MYO5C: variants seen among roughly 807,000 people sequenced by gnomAD.
MYO5C encodes myosin VC, also known as unconventional myosin-Vc.
In MYO5C, 194 loss-of-function variants were observed where a neutral mutation model predicts 235.7. The ratio of observed to expected loss-of-function variants is 0.82; its 90% CI spans 0.73 to 0.93. The LOEUF is 0.93. MYO5C is among the 40% of genes least tolerant of loss of function. The probability of loss-of-function intolerance (pLI) is 0.00; values close to 1 mark genes in which losing one functional copy is unlikely to be tolerated. For missense variants in MYO5C, 2,038 were observed against 2,127.2 expected (o/e 0.96, Z 0.82); for synonymous variants, 707 against 754.8 (o/e 0.94, Z 1.04).
intron 38 of MYO5C, 138 bp from the exon 39 acceptor site, chr15:52,196,621 GTTGGAC>G (rs935305713): frequency 1.8e-4 from 133 of 747,526 alleles, no homozygotes; most frequent in Admixed American, 4.3e-4. Context: ...AAATGAGGGA[GTTGGAC>G]TGATGATCAG....
At chr15:52,242,372 G>A (rs956235004) in intron 19 of MYO5C, 159 bp from the exon 20 acceptor site, 2 of 743,914 alleles carry the variant, frequency 2.7e-6, no homozygotes, top group Non-Finnish European at 4.3e-6. Flanking sequence ...ATGCCTACTT[G>A]AGGCCAGTCC....
chr15:52,261,573 G>A (rs1371169445), intron 9 of MYO5C, among the ~76,000 whole-genome samples: 5 of 152,354 alleles, frequency 3.3e-5, no homozygotes, highest in African/African-American at 1.2e-4. Flanking sequence ...TGCCTGGATG[G>A]TTGGTCCAGG....
At chr15:52,294,638 T>C (rs867167948) in intron 1 of MYO5C, among the ~76,000 whole-genome samples, 3 of 152,318 alleles carry the variant, frequency 2.0e-5, no homozygotes, top group Middle Eastern at 3.4e-3. Context: ...CTGAGGTCTC[T>C]AGATTTCCCC....
chr15:52,241,679 T>C (rs144341412), intron 20 of MYO5C, among the ~76,000 whole-genome samples: 7 of 152,158 alleles, frequency 4.6e-5, no homozygotes, highest in Non-Finnish European at 1.0e-4. Context: ...TTTCCTTTGG[T>C]GTGGTCTCTT....
chr15:52,237,378 G>T (rs943320032), intron 22 of MYO5C, 104 bp downstream of exon 22: 16 of 1,383,134 alleles, frequency 1.2e-5, no homozygotes, highest in Non-Finnish European at 1.5e-5. Context: ...AGCAAAATCT[G>T]ATTTGCTCTG....
Position 52,204,937 on chromosome 15 carries a change from A to AT in MYO5C, c.4747dup (p.Ile1583AsnfsTer36). 6.2e-7 allele frequency: 1 copy of AT among 1,614,242 alleles called. No homozygotes were observed. The highest frequency in any genetic ancestry group is 8.5e-7 in the Non-Finnish European group (1 of 1,180,046). ...GAGGCTGTTCAGCGTGACCGCCCCG[A>AT]TCAAGAAGAAGAGCTGCTTCACCGC... On this transcript the variant is annotated frameshift_variant, in exon 38 of 41. Transcript: ENST00000261839. LOFTEE classifies it high-confidence loss of function.
rs1373711970 is a variant in MYO5C, at chr15:52,232,184, GAGGAAGGGAGGA to G, written c.3026+426_3026+437del. ...AAGGAAGGGAAGGAAGGGAGGAAGG[GAGGAAGGGAGGA>G]AGGAAGGAAGGAAAAGAAAGAAAAT... On this transcript the variant is annotated intron_variant, in intron 24 of 40. Transcript: ENST00000261839. Among the ~76,000 whole-genome samples, 6 of 35,840 alleles carry G rather than the reference GAGGAAGGGAGGA, an allele frequency of 1.7e-4. 1 individual carries two copies. Among genetic ancestry groups the G allele is most frequent in the African/African-American group, 3.6e-4 (5 of 13,710 alleles). The allele number at this position is 35,840 out of a possible 152,430, so 23.5% of individuals were successfully genotyped here. A position where few individuals can be genotyped will look rare whatever the true frequency, so the allele number is the denominator to read the frequency against.
chr15:52,254,462 C>G (rs535893716), intron 11 of MYO5C, among the ~76,000 whole-genome samples: 1 of 152,256 alleles, frequency 6.6e-6, no homozygotes, highest in East Asian at 1.9e-4. Flanking sequence ...GAAGGTGGCA[C>G]CGGCACTTCT....
At chr15:52,219,634 AAT>A in intron 31 of MYO5C, 123 bp downstream of exon 31, 1 of 695,668 alleles carries the variant, frequency 1.4e-6, no homozygotes, top group Non-Finnish European at 2.5e-6. Flanking sequence ...TCAGAATGGC[AAT>A]ATGTCATATA....
rs183465587 is a variant in MYO5C at position 52,272,400 on chromosome 15, T to C, written c.750+180A>G. Reference sequence around the variant, plus strand: ...CTGCAGACATACAACTCACCTGATATTACACCTATTCATCCATCAATTTTT... The same window carrying C: ...CTGCAGACATACAACTCACCTGATACTACACCTATTCATCCATCAATTTTT... On this transcript the variant is annotated intron_variant, in intron 6 of 40. Coordinates refer to ENST00000261839, the MANE Select transcript of MYO5C (RefSeq NM_018728.4). Among the ~76,000 whole-genome samples the C allele has an allele frequency of 1.7e-4, 26 of 152,292 alleles. No homozygotes were observed. In the East Asian group the frequency reaches 4.4e-3, roughly 26 times the overall value.
intron 13 of MYO5C, among the ~76,000 whole-genome samples, chr15:52,249,225 A>G (rs989442563): frequency 2.1e-4 from 32 of 152,222 alleles, no homozygotes; most frequent in Admixed American, 1.4e-3. Flanking sequence ...CCAGCTGACC[A>G]CCAAGCCTTC....
intron 33 of MYO5C, among the ~76,000 whole-genome samples, chr15:52,214,131 G>A (rs1566964301): frequency 6.6e-6 from 1 of 152,184 alleles, no homozygotes; most frequent in Non-Finnish European, 1.5e-5. Context: ...CAGAAGGAGG[G>A]AAGAAGGGAG....
intron 1 of MYO5C, among the ~76,000 whole-genome samples, chr15:52,286,127 C>G (rs1180479867): frequency 1.3e-5 from 2 of 150,102 alleles, no homozygotes; most frequent in Admixed American, 6.6e-5. Context: ...CAGCCGCACC[C>G]TCTGAGAAGT....
rs149815670 is a variant in MYO5C at position 52,241,042 on chromosome 15, C to T, written c.2556+1006G>A. On this transcript the variant is annotated intron_variant, in intron 20 of 40. Coordinates refer to ENST00000261839, the MANE Select transcript of MYO5C (RefSeq NM_018728.4). Reference sequence around the variant, plus strand: ...TGCCGTATGAAACTCATCTCATCACCCTTTTCTGAGTCTAAAGCTGCTGCC... The same window carrying T: ...TGCCGTATGAAACTCATCTCATCACTCTTTTCTGAGTCTAAAGCTGCTGCC... Among the ~76,000 whole-genome samples, 170 of 152,240 alleles carry T rather than the reference C, an allele frequency of 1.1e-3. 1 individual carries two copies. The highest frequency in any genetic ancestry group is 3.6e-3 in the African/African-American group (151 of 41,540).
intron 38 of MYO5C, among the ~76,000 whole-genome samples, chr15:52,198,672 C>G (rs1441275061): frequency 1.3e-5 from 2 of 151,834 alleles, no homozygotes; most frequent in African/African-American, 2.4e-5. Flanking sequence ...ACCTCCATGT[C>G]CTGGGTTCAA....
At chr15:52,270,647 T>TATAC (rs2036901705) in intron 7 of MYO5C, among the ~76,000 whole-genome samples, 1 of 149,326 alleles carries the variant, frequency 6.7e-6, no homozygotes, top group East Asian at 2.0e-4. Flanking sequence ...TATATATATA[T>TATAC]ACACACATTT....
At position 52,195,410 on chromosome 15, in the gene MYO5C, C is replaced by G. The variant is rs376566491; in HGVS notation, c.5043G>C (p.Lys1681Asn). ...TGCGAACAAAGGATGGAGTCACTCTCTTCTCAAAGTCATCTATAGGTGTGT... is the reference window on the plus strand; with the variant it reads ...TGCGAACAAAGGATGGAGTCACTCTGTTCTCAAAGTCATCTATAGGTGTGT... ...NSYTPIDDFE[K>N]RVTPSFVRKV... The change falls in exon 40 of 41, where the codon AAG becomes AAC. Residue 1681 changes from lysine to asparagine, a missense_variant. Transcript: ENST00000261839. 28 of 1,613,334 alleles carry G rather than the reference C, an allele frequency of 1.7e-5. No individual in the cohort carries two copies. The African/African-American group carries it at 3.2e-4, about 18-fold the overall frequency.
At chr15:52,270,108 G>A (rs1311277860) in intron 7 of MYO5C, among the ~76,000 whole-genome samples, 2 of 152,198 alleles carry the variant, frequency 1.3e-5, no homozygotes, top group Non-Finnish European at 2.9e-5. Context: ...TGGGCAAAAG[G>A]GCAAAACCAA....
At position 52,192,660 on chromosome 15, in the gene MYO5C, C is replaced by G. The variant is rs894502203; in HGVS notation, c.*1242G>C. 1 of 152,036 alleles carries G rather than the reference C, an allele frequency of 6.6e-6. No homozygotes were observed. Among genetic ancestry groups the G allele is most frequent in the Non-Finnish European group, 1.5e-5 (1 of 67,992 alleles). 9.4% of individuals were successfully genotyped at this position (152,036 alleles called of 1,614,324 possible). A position where few individuals can be genotyped will look rare whatever the true frequency, so the allele number is the denominator to read the frequency against. On this transcript the variant is annotated 3_prime_UTR_variant, in exon 41 of 41. Coordinates refer to ENST00000261839, the MANE Select transcript of MYO5C (RefSeq NM_018728.4). ...GAAAGGAAGGAATGAGAAGGTGTGC[C>G]GGGACAAGGAATAGCCAGTTCCCAT...
Sources: allele counts gnomAD v4.1 joint callset (sites outside exome capture counted in the v4.1 genomes callset), GRCh38; gene constraint gnomAD v4.1.1; transcripts MANE v1.5; gene names NCBI Gene and HGNC (gene_info 2026-07-23, HGNC 2026-07-21).